The following ZNF395 variants were observed in gnomAD, a reference collection of about 807,000 sequenced individuals.
ZNF395 encodes zinc finger protein 395.
ZNF395 carries 20 observed loss-of-function variants against 57.7 expected under a neutral mutation model. The ratio of observed to expected loss-of-function variants is 0.35; its 90% CI spans 0.24 to 0.50. The LOEUF is 0.50. Ranked by LOEUF, ZNF395 falls within the 20% of genes least tolerant of loss-of-function variation. The pLI is 0.97. For synonymous variants in ZNF395, 295 were observed against 275.9 expected (o/e 1.07, Z -0.69); for missense variants, 606 against 671.2 (o/e 0.90, Z 1.07).
chr8:28,368,636 A>G (rs1316787940), intron 1 of ZNF395: 1 of 151,566 alleles, frequency 6.6e-6, no homozygotes, highest in East Asian at 1.9e-4. Flanking sequence ...TACTGGAAGC[A>G]CTTGCAGTAA....
intron 1 of ZNF395, among the ~76,000 whole-genome samples, chr8:28,373,961 G>C (rs185770810): frequency 5.9e-5 from 9 of 152,306 alleles, no homozygotes; most frequent in Admixed American, 2.6e-4. Context: ...CGGCCCAGCA[G>C]TTCCACTTTC....
intron 1 of ZNF395, chr8:28,375,355 T>C: frequency 6.8e-6 from 1 of 148,012 alleles, no homozygotes; most frequent in South Asian, 2.1e-4. Context: ...GCCACTGCAC[T>C]CCAGCCTAGG....
chr8:28,352,430 A>T lies in ZNF395; in HGVS notation c.920+143T>A. 1 of 635,984 alleles carries T rather than the reference A, an allele frequency of 1.6e-6. No individual in the cohort carries two copies. The highest frequency in any genetic ancestry group is 2.7e-6 in the Non-Finnish European group (1 of 364,990). The allele number at this position is 635,984 out of a possible 1,614,324, so 39.4% of individuals were successfully genotyped here. On this transcript the variant is annotated intron_variant, in intron 6 of 9. Transcript: ENST00000344423. The surrounding 1 kb of genome is among the most constrained non-coding windows in gnomAD (Gnocchi z 4.0). ...CAATGTTCACCAGGATGTCTTTCTC[A>T]GGGGGCCAGGAAGAGACACCAGGGG...
intron 1 of ZNF395, among the ~76,000 whole-genome samples, chr8:28,374,394 T>G (rs1342147038): frequency 6.6e-6 from 1 of 152,256 alleles, no homozygotes; most frequent in African/African-American, 2.4e-5. Flanking sequence ...ACTTTCTGAT[T>G]GCTGCAGAAG....
chr8:28,349,814 A>T (rs1289996696), intron 8 of ZNF395, among the ~76,000 whole-genome samples: 2 of 152,256 alleles, frequency 1.3e-5, no homozygotes, highest in East Asian at 3.8e-4. Context: ...TTTCTTGGCA[A>T]GAAACCTGCT....
chr8:28,381,842 A>G (rs1802113574), intron 1 of ZNF395, among the ~76,000 whole-genome samples: 1 of 152,222 alleles, frequency 6.6e-6, no homozygotes, highest in South Asian at 2.1e-4. Flanking sequence ...AACTTGCCTT[A>G]CTACGGAGAA....
In ZNF395 at chr8:28,352,737, C is replaced by A; in HGVS notation, c.820-64G>T. 1 of 1,446,148 alleles carries A rather than the reference C, an allele frequency of 6.9e-7. No individual in the cohort carries two copies. The highest frequency in any genetic ancestry group is 1.4e-5 in the African/African-American group (1 of 71,774). The allele number at this position is 1,446,148 out of a possible 1,614,324, so 89.6% of individuals were successfully genotyped here. A position where few individuals can be genotyped will look rare whatever the true frequency, so the allele number is the denominator to read the frequency against. On this transcript the variant is annotated intron_variant, in intron 5 of 9. Coordinates refer to ENST00000344423, the MANE Select transcript of ZNF395 (RefSeq NM_018660.3). The surrounding 1 kb of genome is among the most constrained non-coding windows in gnomAD (Gnocchi z 4.0). ...CTCCTTATCCCTCGCTCAACCTTAC[C>A]CAGTGGGGACTCAAACTGGCTGCTG...
intron 1 of ZNF395, among the ~76,000 whole-genome samples, chr8:28,370,222 T>C (rs1366301178): frequency 6.6e-6 from 1 of 151,146 alleles, no homozygotes; most frequent in Non-Finnish European, 1.5e-5. Flanking sequence ...AAAAATCCAC[T>C]GAGTGACTGG....
Position 28,350,117 on chromosome 8 carries a change from A to G in ZNF395, c.1273T>C (p.Tyr425His). 4 of 1,609,378 alleles carry G rather than the reference A, an allele frequency of 2.5e-6. No individual in the cohort carries two copies. The highest frequency in any genetic ancestry group is 3.4e-6 in the Non-Finnish European group (4 of 1,178,942). Residue 425 changes from tyrosine (Y) to histidine (H), a missense_variant, in exon 8 of 10, where the codon TAC becomes CAC. Coordinates refer to ENST00000344423, the MANE Select transcript of ZNF395 (RefSeq NM_018660.3). The stretch of plus-strand genomic sequence containing the variant: ...GCAGCAGCCCAGCTGACACTGGTGT[A>G]GATGTGTGGTGAGACTGGGATCTGG... ...SFQIPVSPHI[Y>H]TSVSWAAAPS...
At chr8:28,358,375 G>A (rs1190027767) in intron 3 of ZNF395, among the ~76,000 whole-genome samples, 1 of 151,830 alleles carries the variant, frequency 6.6e-6, no homozygotes, top group Non-Finnish European at 1.5e-5. Flanking sequence ...CTCCCAAAGG[G>A]CTGGGATTAC....
Position 28,363,365 on chromosome 8 carries a change from C to CA in ZNF395, c.-58-2184dup, listed in dbSNP as rs551606383. On this transcript the variant is annotated intron_variant, in intron 1 of 9. Transcript: ENST00000344423. ...CAGGGTGGTCTCAAACTCCTGAGCT[C>CA]AGGCCATCTGCCTGCCTCAGCAGGC... Among the ~76,000 whole-genome samples, 412 of 152,150 alleles carry CA rather than the reference C, an allele frequency of 2.7e-3. 2 individuals carry two copies. The highest frequency in any genetic ancestry group is 0.017 in the Middle Eastern group (5 of 294).
chr8:28,353,184 G>A lies in ZNF395; in HGVS notation c.808C>T (p.Arg270Ter), dbSNP rs951501152. 1.2e-6 allele frequency: 2 copies of A among 1,613,650 alleles called. No individual in the cohort carries two copies. The highest frequency in any genetic ancestry group is 8.5e-7 in the Non-Finnish European group (1 of 1,179,976). Residue 270 changes from arginine to a stop codon, truncating the protein, a stop_gained, in exon 5 of 10, where the codon CGA (arginine) becomes TGA (stop). Transcript: ENST00000344423. LOFTEE classifies it high-confidence loss of function. ...CCACAATCACGTACCTTTCTTTTTC[G>A]TGGAGCTGGTTCGTCCAGCAGGAAA... The part of the protein sequence containing the change: ...DPFLLDEPAP[R>*]KRKNSVKVMY...
In ZNF395 at chr8:28,351,957, C is replaced by T. The variant is rs74498020; in HGVS notation, c.921-150G>A. On this transcript the variant is annotated intron_variant, in intron 6 of 9. Transcript: ENST00000344423. ...GAACACCCAGGTGCCTCGCTCCTGACGGGTGTCACCAGGATTATGTGTTGC... is the reference window on the plus strand; with the variant it reads ...GAACACCCAGGTGCCTCGCTCCTGATGGGTGTCACCAGGATTATGTGTTGC... The T allele has an allele frequency of 1.7e-3, 1,355 of 810,276 alleles. 12 individuals are homozygous for T. In the African/African-American group the frequency reaches 0.02, roughly 12 times the overall value. The allele number at this position is 810,276 out of a possible 1,614,324, so 50.2% of individuals were successfully genotyped here.
Position 28,346,895 on chromosome 8 carries a change from C to T in ZNF395, c.*1824G>A, listed in dbSNP as rs1585847840. The T allele has an allele frequency of 1.3e-5, 2 of 152,052 alleles. No individual in the cohort carries two copies. The highest frequency in any genetic ancestry group is 2.9e-5 in the Non-Finnish European group (2 of 67,990). The allele number at this position is 152,052 out of a possible 1,614,324, so 9.4% of individuals were successfully genotyped here. A position where few individuals can be genotyped will look rare whatever the true frequency, so the allele number is the denominator to read the frequency against. On this transcript the variant is annotated 3_prime_UTR_variant, in exon 10 of 10. Transcript: ENST00000344423. ...CAGGAAGGAGAGCCCTGCGCCACCTCAGGCTAGCCTGGCTTTGAGCTTTAC... is the reference window on the plus strand; with the variant it reads ...CAGGAAGGAGAGCCCTGCGCCACCTTAGGCTAGCCTGGCTTTGAGCTTTAC...
chr8:28,354,025 CACA>C (rs1253980748), intron 4 of ZNF395, among the ~76,000 whole-genome samples: 1 of 152,230 alleles, frequency 6.6e-6, no homozygotes, highest in Non-Finnish European at 1.5e-5. Context: ...CAGGAGGGTG[CACA>C]ACATTTCCCA....
At position 28,348,758 on chromosome 8, in the gene ZNF395, G is replaced by C. The variant is rs1046511; in HGVS notation, c.1503C>G (p.Ala501=). The stretch of plus-strand genomic sequence containing the variant: ...GCTGGCAGGCCTTCTTCCACCGGCA[G>C]GCCGTGCACCACTGGTCCCGGTGCT... ...GIEHRDQWCT[A]CRWKKACQRF... Residue 501 remains alanine, a synonymous_variant, in exon 10 of 10, where the codon GCC becomes GCG. Coordinates refer to ENST00000344423, the MANE Select transcript of ZNF395 (RefSeq NM_018660.3). 513,633 of 1,613,622 alleles carry C rather than the reference G, an allele frequency of 0.32. 84,436 individuals are homozygous for C. Among genetic ancestry groups the C allele is most frequent in the Admixed American group, 0.49 (29,291 of 59,990 alleles).
intron 1 of ZNF395, among the ~76,000 whole-genome samples, chr8:28,379,303 A>G (rs1410360636): frequency 6.6e-6 from 1 of 152,190 alleles, no homozygotes; most frequent in Non-Finnish European, 1.5e-5. Flanking sequence ...AAGGTCATTA[A>G]GACTAGATCT....
Position 28,351,588 on chromosome 8 carries a change from T to C in ZNF395, c.1140A>G (p.Glu380=). The part of the protein sequence containing the change: ...PLHKAQSSGP[E]HPGPESSLPS... ...GCAGGGAGGACTCCGGGCCAGGATG[T>C]TCTGGGCCGGAGGACTGGGCTTTGT... Residue 380 remains glutamate (E), a synonymous_variant, in exon 7 of 10, where the codon GAA becomes GAG. Transcript: ENST00000344423. The C allele has an allele frequency of 6.2e-7, 1 of 1,613,710 alleles. No homozygotes were observed. Among genetic ancestry groups the C allele is most frequent in the Non-Finnish European group, 8.5e-7 (1 of 1,179,982 alleles).
chr8:28,358,680 T>TC (rs1253332068), intron 3 of ZNF395, among the ~76,000 whole-genome samples: 1 of 152,164 alleles, frequency 6.6e-6, no homozygotes, highest in Non-Finnish European at 1.5e-5. Context: ...CAAGCAATCT[T>TC]CCCAAAGTGG....
Sources: allele counts gnomAD v4.1 joint callset (sites outside exome capture counted in the v4.1 genomes callset), GRCh38; gene constraint gnomAD v4.1.1; non-coding constraint Gnocchi (gnomAD v3.1); transcripts MANE v1.5; gene names NCBI Gene and HGNC (gene_info 2026-07-23, HGNC 2026-07-21).